The following GAL3ST2 variants were observed in gnomAD, a reference collection of about 807,000 sequenced individuals.
GAL3ST2 encodes beta-galactose-3-O-sulfotransferase 2.
In GAL3ST2, 16 loss-of-function variants were observed where a neutral mutation model predicts 12.9. The ratio of observed to expected loss-of-function variants is 1.24; its 90% CI spans 0.84 to 1.88. The LOEUF is 1.88. Ranked by LOEUF, GAL3ST2 falls within the 40% of genes most tolerant of loss-of-function variation. The pLI is 0.00. For missense variants in GAL3ST2, 639 were observed against 571.8 expected, an observed-to-expected ratio of 1.12 and a Z score of -1.20; for synonymous variants, 302 against 273.9, an observed-to-expected ratio of 1.10 and a Z score of -1.01.
At chr2:241,791,186 C>T (rs1019372619) in intron 1 of GAL3ST2, among the ~76,000 whole-genome samples, 5 of 152,206 alleles carry the variant, frequency 3.3e-5, no homozygotes, top group South Asian at 4.1e-4. Flanking sequence ...CATTTTGGCT[C>T]AGAATAGATC....
At chr2:241,799,955 T>C (rs1699820906) in intron 2 of GAL3ST2, among the ~76,000 whole-genome samples, 1 of 152,228 alleles carries the variant, frequency 6.6e-6, no homozygotes. Flanking sequence ...TGGCCGCTGG[T>C]CTCGGCTTTG....
chr2:241,801,891 CCCACAA>C lies in GAL3ST2; in HGVS notation c.233_238del (p.His78_Asn79del). On this transcript the variant is annotated inframe_deletion, in exon 3 of 4. Transcript: ENST00000192314. This position sits in a 1 kb window ranked among gnomAD's most constrained non-coding sequence, Gnocchi z 4.4. ...AACATCCTCTACCGCTTCGCCGAGA[CCCACAA>C]CCTGTCCGTGGCGCTGCCCGCCGGC... 7 of 1,612,998 alleles carry C rather than the reference CCCACAA, an allele frequency of 4.3e-6. No individual in the cohort carries two copies. The highest frequency in any genetic ancestry group is 5.9e-6 in the Non-Finnish European group (7 of 1,179,960).
intron 1 of GAL3ST2, among the ~76,000 whole-genome samples, chr2:241,784,700 C>T (rs1699608000): frequency 6.6e-6 from 1 of 152,138 alleles, no homozygotes; most frequent in Non-Finnish European, 1.5e-5. Context: ...CACATAAATA[C>T]ATAGACATAT....
intron 2 of GAL3ST2, among the ~76,000 whole-genome samples, chr2:241,799,416 G>A (rs1487784222): frequency 6.6e-6 from 1 of 152,226 alleles, no homozygotes; most frequent in Non-Finnish European, 1.5e-5. Context: ...GGGTCCCTGT[G>A]TGTGGGAGGC....
chr2:241,790,867 C>G (rs1699686148), intron 1 of GAL3ST2, among the ~76,000 whole-genome samples: 1 of 152,160 alleles, frequency 6.6e-6, no homozygotes, highest in South Asian at 2.1e-4. Flanking sequence ...TCTGAGAGCT[C>G]CCTCTCTGCA....
chr2:241,779,170 AG>A (rs1166910725), intron 1 of GAL3ST2, among the ~76,000 whole-genome samples: 1 of 133,658 alleles, frequency 7.5e-6, no homozygotes, highest in Non-Finnish European at 1.6e-5. Flanking sequence ...TGGCTAGGAT[AG>A]TTTATTTCTA....
At chr2:241,803,197 C>T (rs1274696105) in intron 3 of GAL3ST2, 148 bp from the exon 4 acceptor site, 7 of 651,040 alleles carry the variant, frequency 1.1e-5, no homozygotes, top group Non-Finnish European at 1.8e-5. Flanking sequence ...AGCTGCCGCA[C>T]GAGAAGGCGC....
chr2:241,792,237 T>A (rs1439185207), intron 1 of GAL3ST2, among the ~76,000 whole-genome samples: 1 of 151,696 alleles, frequency 6.6e-6, no homozygotes, highest in African/African-American at 2.4e-5. Context: ...ACTATGTTGG[T>A]CAGGCTGGTC....
At position 241,803,533 on chromosome 2, in the gene GAL3ST2, C is replaced by A; in HGVS notation, c.564C>A (p.Tyr188Ter). ...YNDSRHLRNVYAKNNMWFDFG... is the reference protein window; with the variant it reads ...YNDSRHLRNV ...ACAGCCGCCACCTCAGGAACGTCTACGCCAAGAACAACATGTGGTTCGACT... is the reference window on the plus strand; with the variant it reads ...ACAGCCGCCACCTCAGGAACGTCTAAGCCAAGAACAACATGTGGTTCGACT... The change falls in exon 4 of 4, where the codon TAC becomes TAA. Residue 188 changes from tyrosine (Y) to a stop codon, truncating the protein, a stop_gained. Transcript: ENST00000192314. LOFTEE classifies it low-confidence loss of function (END_TRUNC). 2 of 1,610,168 alleles carry A rather than the reference C, an allele frequency of 1.2e-6. No individual in the cohort carries two copies. The highest frequency in any genetic ancestry group is 1.7e-6 in the Non-Finnish European group (2 of 1,178,590).
rs1699891513 is a variant in GAL3ST2 at position 241,803,761 on chromosome 2, G to GT, written c.793dup (p.Ser265PhefsTer109). 1.3e-6 allele frequency: 2 copies of GT among 1,517,600 alleles called. No individual in the cohort carries two copies. Among genetic ancestry groups the GT allele is most frequent in the African/African-American group, 2.9e-5 (2 of 69,080 alleles). 94.0% of individuals were successfully genotyped at this position (1,517,600 alleles called of 1,614,324 possible). A position where few individuals can be genotyped will look rare whatever the true frequency, so the allele number is the denominator to read the frequency against. On this transcript the variant is annotated frameshift_variant, in exon 4 of 4. Coordinates refer to ENST00000192314, the MANE Select transcript of GAL3ST2 (RefSeq NM_022134.3). LOFTEE classifies it low-confidence loss of function (END_TRUNC). The stretch of plus-strand genomic sequence containing the variant: ...GCAGCGCGCGCTCCGTGGCCCGCCT[G>GT]TCGCCCGAGACCCGGGAGCGCGCGC...
intron 1 of GAL3ST2, among the ~76,000 whole-genome samples, chr2:241,784,098 A>G (rs1222207087): frequency 1.3e-5 from 2 of 151,056 alleles, no homozygotes; most frequent in Admixed American, 6.6e-5. Context: ...CAGTGGTGCA[A>G]TCGCAGCTCA....
rs78275429 is a variant in GAL3ST2, at chr2:241,791,376, G to A, written c.30-7689G>A. Among the ~76,000 whole-genome samples the A allele has an allele frequency of 9.8e-4, 150 of 152,300 alleles. 2 individuals carry two copies. The East Asian group carries it at 0.017, about 17-fold the overall frequency. On this transcript the variant is annotated intron_variant, in intron 1 of 3. Coordinates refer to ENST00000192314, the MANE Select transcript of GAL3ST2 (RefSeq NM_022134.3). ...AATTGGAGAAACTGGTTACTCCAAT[G>A]TACTAAGGCTTTGACTGGAATGGTG...
chr2:241,777,386 C>T (rs1699501564), intron 1 of GAL3ST2, among the ~76,000 whole-genome samples: 1 of 152,074 alleles, frequency 6.6e-6, no homozygotes, highest in African/African-American at 2.4e-5. Flanking sequence ...CTTGCTGGAG[C>T]GTTGGTCATG....
At chr2:241,788,086 A>C (rs578212277) in intron 1 of GAL3ST2, among the ~76,000 whole-genome samples, 1 of 152,304 alleles carries the variant, frequency 6.6e-6, no homozygotes, top group Admixed American at 6.5e-5. Context: ...TCCAGTACCA[A>C]GGACTCTAGA....
chr2:241,793,742 A>ATGTG lies in GAL3ST2; in HGVS notation c.30-5315_30-5312dup, dbSNP rs142523908. Among the ~76,000 whole-genome samples, 1 of 150,690 alleles carries ATGTG rather than the reference A, an allele frequency of 6.6e-6. No homozygotes were observed. Among genetic ancestry groups the ATGTG allele is most frequent in the Non-Finnish European group, 1.5e-5 (1 of 67,632 alleles). ...TGCATGTGTGTATGTGTGTATATGT[A>ATGTG]TGTGTGTGTGTATTGTGTATGTGTA... On this transcript the variant is annotated intron_variant, in intron 1 of 3. Coordinates refer to ENST00000192314, the MANE Select transcript of GAL3ST2 (RefSeq NM_022134.3). The surrounding 1 kb of genome is among the most constrained non-coding windows in gnomAD (Gnocchi z 4.7).
chr2:241,799,511 G>A (rs1429108300), intron 2 of GAL3ST2, among the ~76,000 whole-genome samples: 1 of 152,216 alleles, frequency 6.6e-6, no homozygotes, highest in Non-Finnish European at 1.5e-5. Context: ...GGTCAGAACC[G>A]TGCTCAGGAC....
chr2:241,792,279 C>T (rs1185182946), intron 1 of GAL3ST2, among the ~76,000 whole-genome samples: 1 of 152,034 alleles, frequency 6.6e-6, no homozygotes, highest in Non-Finnish European at 1.5e-5. Context: ...ATCCACCTGC[C>T]TCAGCCTCCC....
rs1270182726 is a variant in GAL3ST2, at chr2:241,803,406, A to G, written c.437A>G (p.Gln146Arg). The change falls in exon 4 of 4, where the codon CAG becomes CGG. Residue 146 changes from glutamine (Q) to arginine (R), a missense_variant. Gln to Arg is a conservative substitution (Grantham distance 43). Coordinates refer to ENST00000192314, the MANE Select transcript of GAL3ST2 (RefSeq NM_022134.3). ...YFSILRNPVFQLESSFIYYKT... is the reference protein window; with the variant it reads ...YFSILRNPVFRLESSFIYYKT... The stretch of plus-strand genomic sequence containing the variant: ...TCCATCCTGAGGAACCCCGTGTTCC[A>G]GCTGGAGTCCTCCTTCATCTACTAC... 1 of 1,612,902 alleles carries G rather than the reference A, an allele frequency of 6.2e-7. No homozygotes were observed. The highest frequency in any genetic ancestry group is 8.5e-7 in the Non-Finnish European group (1 of 1,179,616).
At chr2:241,778,222 G>A (rs79914608) in intron 1 of GAL3ST2, among the ~76,000 whole-genome samples, 2,737 of 152,304 alleles carry the variant, frequency 0.018, 89 homozygotes, top group African/African-American at 0.063. Context: ...GGCTCACCTC[G>A]CTTGTGTCAG....
Sources: gnomAD v4.1 joint callset for allele counts (sites outside exome capture counted in the v4.1 genomes callset) on GRCh38, gnomAD v4.1.1 for gene constraint, Gnocchi (gnomAD v3.1) non-coding constraint, MANE v1.5 for transcripts, NCBI Gene and HGNC (gene_info 2026-07-23, HGNC 2026-07-21) for gene names.